Variants in ASAH1 observed in about 807,000 individuals in gnomAD.
ASAH1 encodes the protein N-acylsphingosine amidohydrolase 1, also known as acid ceramidase.
Under a neutral mutation model 59.5 loss-of-function variants are expected in ASAH1, and 70 were observed. The observed-to-expected ratio is 1.18, with a 90% CI of 0.97 to 1.43. ASAH1 has a LOEUF of 1.43. Among genes scored for constraint, ASAH1 ranks in the 40% most tolerant of loss-of-function variants. The pLI, the probability that ASAH1 is intolerant of heterozygous loss-of-function variation, is 0.00. For missense variants in ASAH1, 660 were observed against 482.5 expected (o/e 1.37, Z -3.45); for synonymous variants, 213 against 166.5 (o/e 1.28, Z -2.15).
intron 10 of ASAH1, 118 bp downstream of exon 10, chr8:18,061,259 C>A: frequency 1.1e-6 from 1 of 882,900 alleles, no homozygotes; most frequent in African/African-American, 1.7e-5. Flanking sequence ...AGAGGTTCAC[C>A]TAAGAAATTC....
At position 18,059,044 on chromosome 8, in the gene ASAH1, C is replaced by T. The variant is rs7465164; in HGVS notation, c.1042-153G>A. The T allele has an allele frequency of 0.95, 701,081 of 740,102 alleles. 336,562 individuals are homozygous for T. The highest frequency in any genetic ancestry group is 0.99 in the Non-Finnish European group (442,465 of 446,228). 45.8% of individuals were successfully genotyped at this position (740,102 alleles called of 1,614,324 possible). A position where few individuals can be genotyped will look rare whatever the true frequency, so the allele number is the denominator to read the frequency against. ...TTTCTGTGGGAGTCACTGTTAGAAA[C>T]ACAGGTAACAGTTTTAATGGATTAC... On this transcript the variant is annotated intron_variant, in intron 12 of 13. Transcript: ENST00000637790.
At chr8:18,079,128 A>C (rs1483812995) in intron 1 of ASAH1, among the ~76,000 whole-genome samples, 1 of 114,110 alleles carries the variant, frequency 8.8e-6, no homozygotes, top group Non-Finnish European at 2.1e-5. Context: ...CAATGCAAAA[A>C]TTAGCTGGGT....
At chr8:18,074,189 C>T (rs1800294312) in intron 2 of ASAH1, among the ~76,000 whole-genome samples, 1 of 152,120 alleles carries the variant, frequency 6.6e-6, no homozygotes, top group Non-Finnish European at 1.5e-5. Flanking sequence ...AACAGAGAGA[C>T]ATAATCAATC....
intron 1 of ASAH1, 170 bp downstream of exon 1, chr8:18,083,811 T>C (rs1354834632): frequency 7.2e-7 from 1 of 1,380,890 alleles, no homozygotes; most frequent in South Asian, 1.4e-5. Context: ...GAGGACGGGG[T>C]TCGCCAGCCC....
chr8:18,067,176 G>T lies in ASAH1; in HGVS notation c.382+44C>A, dbSNP rs149382664. 3.3e-4 allele frequency: 411 copies of T among 1,259,780 alleles called. 2 individuals are homozygous for T. The African/African-American group carries it at 4.4e-3, about 13-fold the overall frequency. 78.0% of individuals were successfully genotyped at this position (1,259,780 alleles called of 1,614,324 possible). ...CACACCTCAATGGAAACTTGTAAAAGAATTTAATTACTTTTTTTTTTAAAG... is the reference window on the plus strand; with the variant it reads ...CACACCTCAATGGAAACTTGTAAAATAATTTAATTACTTTTTTTTTTAAAG... On this transcript the variant is annotated intron_variant, in intron 5 of 13. Transcript: ENST00000637790.
intron 10 of ASAH1, chr8:18,060,848 A>G (rs561630323): frequency 1.2e-5 from 2 of 165,002 alleles, no homozygotes; most frequent in Non-Finnish European, 1.3e-5. Flanking sequence ...CCTTGGGCTC[A>G]GGTGATCCTC....
Position 18,062,942 on chromosome 8 carries a change from C to T in ASAH1, c.503+243G>A, listed in dbSNP as rs1212938794. On this transcript the variant is annotated intron_variant, in intron 7 of 13. Transcript: ENST00000637790. ...CTGCAGTGCAGTGGCGCGATCTCGGCTCACTGCAACCTCCGCCTCGCAGGT... is the reference window on the plus strand; with the variant it reads ...CTGCAGTGCAGTGGCGCGATCTCGGTTCACTGCAACCTCCGCCTCGCAGGT... The T allele has an allele frequency of 8.9e-6, 4 of 450,062 alleles. No homozygotes were observed. In the East Asian group the frequency reaches 1.8e-4, roughly 20 times the overall value. The allele number at this position is 450,062 out of a possible 1,614,324, so 27.9% of individuals were successfully genotyped here.
rs1295008892 is a variant in ASAH1 at position 18,056,253 on chromosome 8, T to C, written c.*1281A>G. On this transcript the variant is annotated 3_prime_UTR_variant, in exon 14 of 14. Transcript: ENST00000637790. Reference sequence around the variant, plus strand: ...TTTAAACACCTGCAAATTGGGTTGATAGTATCTGGTTAAGAGGTGGTATCA... The same window carrying C: ...TTTAAACACCTGCAAATTGGGTTGACAGTATCTGGTTAAGAGGTGGTATCA... 2 of 152,366 alleles carry C rather than the reference T, an allele frequency of 1.3e-5. No individual in the cohort carries two copies. The highest frequency in any genetic ancestry group is 2.1e-4 in the South Asian group (1 of 4,832). The allele number at this position is 152,366 out of a possible 1,614,324, so 9.4% of individuals were successfully genotyped here. A position where few individuals can be genotyped will look rare whatever the true frequency, so the allele number is the denominator to read the frequency against.
At chr8:18,080,134 G>A (rs1458908571) in intron 1 of ASAH1, among the ~76,000 whole-genome samples, 1 of 152,200 alleles carries the variant, frequency 6.6e-6, no homozygotes, top group African/African-American at 2.4e-5. Context: ...AAATTCCTAG[G>A]CCAGATGGGG....
intron 1 of ASAH1, among the ~76,000 whole-genome samples, chr8:18,081,237 A>G (rs1800640086): frequency 6.6e-6 from 1 of 151,864 alleles, no homozygotes; most frequent in African/African-American, 2.4e-5. Context: ...TCCTCACCCA[A>G]CGATTCCTTC....
At chr8:18,080,892 T>C (rs937593930) in intron 1 of ASAH1, among the ~76,000 whole-genome samples, 7 of 152,322 alleles carry the variant, frequency 4.6e-5, no homozygotes, top group African/African-American at 1.4e-4. Context: ...TCTCCTCTTC[T>C]TGACACATAC....
rs1352441199 is a variant in ASAH1 at position 18,059,688 on chromosome 8, C to A, written c.801G>T (p.Lys267Asn). The A allele has an allele frequency of 1.2e-6, 2 of 1,614,092 alleles. No individual in the cohort carries two copies. The highest frequency in any genetic ancestry group is 2.2e-5 in the East Asian group (1 of 44,886). Residue 267 changes from lysine to asparagine, a missense_variant, in exon 11 of 14, where the codon AAG becomes AAT. By Grantham distance (94) the Lys-to-Asn change is moderately conservative. Coordinates refer to ENST00000637790, the MANE Select transcript of ASAH1 (RefSeq NM_177924.5). ...LENSTSYEEAKNLLTKTKILA... is the reference protein window; with the variant it reads ...LENSTSYEEANNLLTKTKILA... ...ATATCTTGGTCTTGGTCAATAAATT[C>A]TTGGCTTCTTCATAACTATATAGAA...
chr8:18,072,205 T>C (rs1800202901), intron 2 of ASAH1, among the ~76,000 whole-genome samples: 1 of 152,200 alleles, frequency 6.6e-6, no homozygotes, highest in Non-Finnish European at 1.5e-5. Flanking sequence ...GGTTTATCAG[T>C]ATAAACCTAT....
At chr8:18,063,350 C>T in intron 6 of ASAH1, 120 bp from the exon 7 acceptor site, 1 of 951,898 alleles carries the variant, frequency 1.1e-6, no homozygotes, top group Admixed American at 1.7e-5. Flanking sequence ...GTTGGCCAGA[C>T]TGGAGTGCAG....
At chr8:18,077,962 C>T (rs1392976251) in intron 1 of ASAH1, among the ~76,000 whole-genome samples, 1 of 152,080 alleles carries the variant, frequency 6.6e-6, no homozygotes, top group Non-Finnish European at 1.5e-5. Context: ...GGACTTAAGA[C>T]CCTGCTCCAT....
At chr8:18,064,047 T>C (rs563310272) in intron 6 of ASAH1, 15 of 292,340 alleles carry the variant, frequency 5.1e-5, no homozygotes, top group African/African-American at 1.8e-4. Flanking sequence ...CTGGTATCCA[T>C]TGGGTTGCCT....
At position 18,083,988 on chromosome 8, in the gene ASAH1, G is replaced by A. The variant is rs1427656430; in HGVS notation, c.71C>T (p.Ala24Val). The A allele has an allele frequency of 5.0e-6, 8 of 1,597,770 alleles. No individual in the cohort carries two copies. The highest frequency in any genetic ancestry group is 5.9e-6 in the Non-Finnish European group (7 of 1,179,348). ...CGGCTCAAGCTCACTCACCGGCGGC[G>A]CGTGCTGCGCGACGGCACAGCTGAC... ...AAVSCAVAQH[A>V]PPWTEDCRKS... Residue 24 changes from alanine (A) to valine (V), a missense_variant, in exon 1 of 14, where the codon GCG becomes GTG. Transcript: ENST00000637790.
At chr8:18,063,152 A>T (rs1166279500) in intron 7 of ASAH1, 33 bp downstream of exon 7, 2 of 1,608,406 alleles carry the variant, frequency 1.2e-6, no homozygotes, top group East Asian at 2.2e-5. Context: ...ACAGGCGTGA[A>T]CCACCATGCC....
chr8:18,059,440 C>T lies in ASAH1; in HGVS notation c.942G>A (p.Trp314Ter). 6.2e-7 allele frequency: 1 copy of T among 1,614,204 alleles called. No homozygotes were observed. The change falls in exon 12 of 14, where the codon TGG (tryptophan) becomes TGA (stop). Residue 314 changes from tryptophan (W) to a stop codon, truncating the protein, a stop_gained. Transcript: ENST00000637790. LOFTEE classifies it high-confidence loss of function. Reference sequence around the variant, plus strand: ...GGTCATAATTTGTTTGTACCACATACCATCTACCCTGCTTAGCATCGAGTC... The same window carrying T: ...GGTCATAATTTGTTTGTACCACATATCATCTACCCTGCTTAGCATCGAGTC... ...VYELDAKQGR[W>*]YVVQTNYDRW...
Sources: allele counts gnomAD v4.1 joint callset (sites outside exome capture counted in the v4.1 genomes callset), GRCh38; gene constraint gnomAD v4.1.1; transcripts MANE v1.5; gene names NCBI Gene and HGNC (gene_info 2026-07-23, HGNC 2026-07-21).